The following SLAMF9 variants were observed in gnomAD, a reference collection of about 807,000 sequenced individuals.
SLAMF9 encodes the protein CD2 family member 10.
Under a neutral mutation model 30.4 loss-of-function variants are expected in SLAMF9, and 25 were observed. The observed-to-expected ratio is 0.82, with a 90% CI of 0.60 to 1.15. The LOEUF is 1.15. Among genes scored for constraint, SLAMF9 ranks in the 50% most tolerant of loss-of-function variants. The pLI, the probability that SLAMF9 is intolerant of heterozygous loss-of-function variation, is 0.00. For missense variants in SLAMF9, 344 were observed against 346.1 expected (o/e 0.99, Z 0.05); for synonymous variants, 129 against 127.2 (o/e 1.01, Z -0.09).
At chr1:159,973,742 G>T in the SLAMF9 span, 2 of 1,521,056 alleles carry the variant, frequency 1.3e-6, no homozygotes, top group South Asian at 2.3e-5. Context: ...GATCTCTAGA[G>T]ACGGGACCCC....
chr1:159,972,353 T>C, the SLAMF9 span, among the ~76,000 whole-genome samples: 1 of 152,190 alleles, frequency 6.6e-6, no homozygotes, highest in African/African-American at 2.4e-5. Context: ...ACTTCTGTGG[T>C]TGTGAAAAGG....
the SLAMF9 span, among the ~76,000 whole-genome samples, chr1:159,960,656 A>G: frequency 2.6e-5 from 4 of 151,978 alleles, no homozygotes; most frequent in East Asian, 7.7e-4. Context: ...GGGTTTCACC[A>G]TGTTGGCCAG....
chr1:159,977,888 G>A, the SLAMF9 span, among the ~76,000 whole-genome samples: 3 of 152,120 alleles, frequency 2.0e-5, no homozygotes, highest in East Asian at 1.9e-4. Flanking sequence ...TCAAAGGCTC[G>A]CCAAACTTTC....
the SLAMF9 span, chr1:159,973,735 C>G: frequency 4.7e-6 from 7 of 1,481,338 alleles, no homozygotes; most frequent in Admixed American, 1.0e-4. Context: ...AGCTACTGAT[C>G]TCTAGAGACG....
rs762469979 is a variant in SLAMF9 at position 159,952,301 on chromosome 1, C to T, written c.625G>A (p.Val209Ile). ...CCATCAGGGATGGGGCAAGAACTGA[C>T]GTTGCTGATGGGGTTGTTGGCTCTG... ...TCRANNPISN[V>I]SSCPIPDGPF... The change falls in exon 3 of 4, where the codon GTC becomes ATC. Residue 209 changes from valine to isoleucine, a missense_variant. By Grantham distance (29) the Val-to-Ile change is conservative. Coordinates refer to ENST00000368093, the MANE Select transcript of SLAMF9 (RefSeq NM_033438.4). 9.9e-6 allele frequency: 16 copies of T among 1,613,932 alleles called. No individual in the cohort carries two copies. Among genetic ancestry groups the T allele is most frequent in the Middle Eastern group, 1.6e-4 (1 of 6,084 alleles).
the SLAMF9 span, among the ~76,000 whole-genome samples, chr1:159,971,338 G>A: frequency 6.6e-6 from 1 of 152,172 alleles, no homozygotes. Context: ...TTCTTCGCTA[G>A]GCAACAAAAA....
chr1:159,963,625 A>G, the SLAMF9 span, among the ~76,000 whole-genome samples: 15 of 152,342 alleles, frequency 9.8e-5, no homozygotes, highest in African/African-American at 3.6e-4. Flanking sequence ...CCTCTTAAGT[A>G]CAATGTGTCT....
upstream of SLAMF9, among the ~76,000 whole-genome samples, chr1:159,957,149 A>AAG (rs1161901986): frequency 6.7e-6 from 1 of 150,220 alleles, no homozygotes; most frequent in African/African-American, 2.4e-5. Context: ...ACAAAAAAAA[A>AAG]AAAAAGATTG....
chr1:159,966,933 GTTTT>G, the SLAMF9 span, among the ~76,000 whole-genome samples: 1 of 151,690 alleles, frequency 6.6e-6, no homozygotes, highest in African/African-American at 2.4e-5. Context: ...TGTTGTTTTT[GTTTT>G]TTTGTTTGTT....
the SLAMF9 span, among the ~76,000 whole-genome samples, chr1:159,976,490 C>T: frequency 6.6e-6 from 1 of 152,096 alleles, no homozygotes; most frequent in Non-Finnish European, 1.5e-5. Flanking sequence ...ACTGGGTAAC[C>T]AACTCATGGG....
the SLAMF9 span, among the ~76,000 whole-genome samples, chr1:159,976,086 A>AGTGTGTGT: frequency 3.2e-3 from 471 of 148,374 alleles, 4 homozygotes; most frequent in African/African-American, 0.011. Flanking sequence ...TATAGGTTGT[A>AGTGTGTGT]GTGTGTGTGT....
At chr1:159,952,102 A>G (rs1308664748) in intron 3 of SLAMF9, among the ~76,000 whole-genome samples, 160 bp downstream of exon 3, 1 of 152,216 alleles carries the variant, frequency 6.6e-6, no homozygotes, top group Non-Finnish European at 1.5e-5. Context: ...GGGCACTAGA[A>G]AAACGGAGGG....
chr1:159,951,537 G>A lies in SLAMF9; in HGVS notation c.*124C>T. 1.2e-6 allele frequency: 1 copy of A among 840,328 alleles called. No individual in the cohort carries two copies. The highest frequency in any genetic ancestry group is 1.9e-6 in the Non-Finnish European group (1 of 535,412). The allele number at this position is 840,328 out of a possible 1,614,324, so 52.1% of individuals were successfully genotyped here. On this transcript the variant is annotated 3_prime_UTR_variant, in exon 4 of 4. Coordinates refer to ENST00000368093, the MANE Select transcript of SLAMF9 (RefSeq NM_033438.4). ...TTTATTGCCAGCCAGTCTTCCCTCA[G>A]AAGTATGGCTCTCTGGATACCCACC...
At chr1:159,973,055 C>T in the SLAMF9 span, 105 of 1,435,906 alleles carry the variant, frequency 7.3e-5, no homozygotes, top group Non-Finnish European at 8.2e-5. Context: ...CCTCGGGGGC[C>T]GCCTCACACC....
At chr1:159,973,770 C>A in the SLAMF9 span, 5 of 1,610,928 alleles carry the variant, frequency 3.1e-6, no homozygotes, top group South Asian at 1.1e-5. Context: ...CACCTCCTGC[C>A]CCACAAACTC....
At chr1:159,959,349 T>A in the SLAMF9 span, among the ~76,000 whole-genome samples, 3,473 of 152,028 alleles carry the variant, frequency 0.023, 61 homozygotes, top group Middle Eastern at 0.055. Context: ...CCTTTGCAAC[T>A]CCTTCATCAG....
chr1:159,980,811 G>T, the SLAMF9 span, among the ~76,000 whole-genome samples: 1 of 152,234 alleles, frequency 6.6e-6, no homozygotes. Flanking sequence ...AAAGTGCTGG[G>T]ATTACAGGCG....
the SLAMF9 span, among the ~76,000 whole-genome samples, chr1:159,981,343 G>A: frequency 6.6e-6 from 1 of 152,174 alleles, no homozygotes; most frequent in African/African-American, 2.4e-5. Context: ...CCAGCCTCCA[G>A]ATATATGAGG....
At chr1:159,970,065 T>C in the SLAMF9 span, among the ~76,000 whole-genome samples, 1 of 152,206 alleles carries the variant, frequency 6.6e-6, no homozygotes, top group South Asian at 2.1e-4. Flanking sequence ...TCTCAATAAA[T>C]AAATAAATAG....
Sources: gnomAD v4.1 joint callset for allele counts (sites outside exome capture counted in the v4.1 genomes callset) on GRCh38, gnomAD v4.1.1 for gene constraint, MANE v1.5 for transcripts, NCBI Gene and HGNC (gene_info 2026-07-23, HGNC 2026-07-21) for gene names.